SNTG1: variants seen among roughly 807,000 people sequenced by gnomAD.
SNTG1 encodes the protein syntrophin gamma 1.
SNTG1 carries 39 observed loss-of-function variants against 74.7 expected under a neutral mutation model. The observed-to-expected ratio is 0.52, with a 90% CI of 0.40 to 0.68. The LOEUF is 0.68. Among genes scored for constraint, SNTG1 ranks in the 30% least tolerant of loss-of-function variants. SNTG1 has a pLI of 0.00. For synonymous variants in SNTG1, 254 were observed against 217.1 expected, an observed-to-expected ratio of 1.17 and a Z score of -1.49; for missense variants, 685 against 609.5, an observed-to-expected ratio of 1.12 and a Z score of -1.30.
chr8:50,066,232 A>G (rs1426461024), intron 1 of SNTG1, among the ~76,000 whole-genome samples: 1 of 152,086 alleles, frequency 6.6e-6, no homozygotes, highest in Non-Finnish European at 1.5e-5. Context: ...AAAAAAATTA[A>G]GTAAACCCCA....
At chr8:50,220,222 G>T (rs1392434362) in intron 2 of SNTG1, among the ~76,000 whole-genome samples, 1 of 152,118 alleles carries the variant, frequency 6.6e-6, no homozygotes, top group South Asian at 2.1e-4. Flanking sequence ...CATCTTTGGG[G>T]TAATTTCAAT....
intron 15 of SNTG1, among the ~76,000 whole-genome samples, chr8:50,695,274 C>A (rs1449355370): frequency 1.3e-5 from 2 of 151,440 alleles, no homozygotes; most frequent in Non-Finnish European, 3.0e-5. Context: ...ACAATATCAA[C>A]ACAAAAATTA....
chr8:49,958,703 G>T (rs930988756), intron 1 of SNTG1, among the ~76,000 whole-genome samples: 9 of 152,336 alleles, frequency 5.9e-5, no homozygotes, highest in Middle Eastern at 3.4e-3. Flanking sequence ...ACAGGCGTGA[G>T]CCACTACGCC....
At chr8:50,002,496 C>A (rs1814834519) in intron 1 of SNTG1, among the ~76,000 whole-genome samples, 5 of 152,034 alleles carry the variant, frequency 3.3e-5, no homozygotes, top group Admixed American at 3.3e-4. Context: ...TTAAGGTCAA[C>A]AATAAAAACA....
intron 1 of SNTG1, among the ~76,000 whole-genome samples, chr8:50,075,881 A>G (rs1586162651): frequency 6.6e-6 from 1 of 152,104 alleles, no homozygotes; most frequent in East Asian, 1.9e-4. Flanking sequence ...GAAGGAAGAA[A>G]CTCCGAACAC....
chr8:50,711,133 C>G (rs757091423), intron 17 of SNTG1, among the ~76,000 whole-genome samples: 1 of 152,084 alleles, frequency 6.6e-6, no homozygotes, highest in Non-Finnish European at 1.5e-5. Flanking sequence ...AACTTGCACC[C>G]CTTCATCAGA....
At chr8:50,061,072 G>GA (rs1418083482) in intron 1 of SNTG1, among the ~76,000 whole-genome samples, 2 of 152,044 alleles carry the variant, frequency 1.3e-5, no homozygotes, top group African/African-American at 4.8e-5. Flanking sequence ...AAATGAGTTG[G>GA]AAAATGATCT....
At chr8:50,614,858 T>A (rs139292430) in intron 13 of SNTG1, among the ~76,000 whole-genome samples, 65 of 152,236 alleles carry the variant, frequency 4.3e-4, no homozygotes, top group East Asian at 4.0e-3. Flanking sequence ...TATCAAAATA[T>A]TAATTATTAC....
chr8:50,619,710 G>A (rs2094908706), intron 13 of SNTG1, among the ~76,000 whole-genome samples: 2 of 140,070 alleles, frequency 1.4e-5, no homozygotes, highest in South Asian at 2.3e-4. Flanking sequence ...CAGCCTGGGC[G>A]ACAGAGCGAG....
chr8:50,470,458 C>T (rs1292798907), intron 8 of SNTG1, among the ~76,000 whole-genome samples: 1 of 152,070 alleles, frequency 6.6e-6, no homozygotes, highest in African/African-American at 2.4e-5. Context: ...TCTGGAGTTT[C>T]TTCCTTCTGG....
intron 1 of SNTG1, among the ~76,000 whole-genome samples, chr8:49,993,108 G>A (rs1813843475): frequency 6.6e-6 from 1 of 152,072 alleles, no homozygotes; most frequent in African/African-American, 2.4e-5. Context: ...TCTTTAAGAA[G>A]TTCAAGGAGA....
rs189381276 is a variant in SNTG1 at position 50,243,976 on chromosome 8, A to C, written c.-28+71341A>C. 3.3e-3 allele frequency among the ~76,000 whole-genome samples: 496 copies of C among 152,246 alleles called. 3 individuals are homozygous for C. The highest frequency in any genetic ancestry group is 0.011 in the African/African-American group (443 of 41,540). Reference sequence around the variant, plus strand: ...AGACCATTCTTGCATTGCTGTAAAGAAATACCTGAGACTGGGTGATTTATA... The same window carrying C: ...AGACCATTCTTGCATTGCTGTAAAGCAATACCTGAGACTGGGTGATTTATA... On this transcript the variant is annotated intron_variant, in intron 2 of 18. Coordinates refer to ENST00000642720, the MANE Select transcript of SNTG1 (RefSeq NM_018967.5).
chr8:50,700,409 A>T (rs1156353830), intron 15 of SNTG1, among the ~76,000 whole-genome samples: 1 of 152,184 alleles, frequency 6.6e-6, no homozygotes, highest in Non-Finnish European at 1.5e-5. Context: ...AAAATGATTG[A>T]GCTATAGTCA....
intron 1 of SNTG1, among the ~76,000 whole-genome samples, chr8:50,120,415 C>T (rs2080957191): frequency 7.2e-6 from 1 of 139,082 alleles, no homozygotes; most frequent in Admixed American, 7.5e-5. Context: ...TACTACTATC[C>T]CTACTAGTAC....
At chr8:50,607,075 G>A (rs1488974164) in intron 13 of SNTG1, among the ~76,000 whole-genome samples, 5 of 151,708 alleles carry the variant, frequency 3.3e-5, no homozygotes, top group South Asian at 2.1e-4. Flanking sequence ...AATCAAATTC[G>A]ATATGTTACA....
At chr8:50,569,264 C>T (rs999342714) in intron 12 of SNTG1, among the ~76,000 whole-genome samples, 1 of 152,058 alleles carries the variant, frequency 6.6e-6, no homozygotes, top group Non-Finnish European at 1.5e-5. Context: ...GCACGGATAG[C>T]CAGTCCCTCT....
At chr8:50,073,910 G>A (rs183755671) in intron 1 of SNTG1, among the ~76,000 whole-genome samples, 4 of 149,660 alleles carry the variant, frequency 2.7e-5, no homozygotes, top group South Asian at 4.3e-4. Context: ...GGTGTTGTCC[G>A]GCTTTGTTGT....
At chr8:50,507,950 G>T (rs2094023623) in intron 9 of SNTG1, among the ~76,000 whole-genome samples, 1 of 147,166 alleles carries the variant, frequency 6.8e-6, no homozygotes, top group South Asian at 2.1e-4. Flanking sequence ...TAAGTTTTAG[G>T]GTACATGTAC....
chr8:50,055,429 G>T (rs1293904661), intron 1 of SNTG1, among the ~76,000 whole-genome samples: 1 of 152,060 alleles, frequency 6.6e-6, no homozygotes, highest in Non-Finnish European at 1.5e-5. Context: ...GGTTTTCAAT[G>T]AACTTTAAAA....
Sources: gnomAD v4.1 joint callset for allele counts (sites outside exome capture counted in the v4.1 genomes callset) on GRCh38, gnomAD v4.1.1 for gene constraint, MANE v1.5 for transcripts, NCBI Gene and HGNC (gene_info 2026-07-23, HGNC 2026-07-21) for gene names.